The following PDE8B variants were observed in gnomAD, a reference collection of about 807,000 sequenced individuals.
PDE8B encodes phosphodiesterase 8B, also known as high affinity cAMP-specific and IBMX-insensitive 3',5'-cyclic phosphodiesterase 8B.
Under a neutral mutation model 101.3 loss-of-function variants are expected in PDE8B, and 26 were observed. That is an observed-to-expected ratio of 0.26 (90% CI 0.19 to 0.36). The LOEUF is 0.36. Ranked by LOEUF, PDE8B falls within the 10% of genes least tolerant of loss-of-function variation. The pLI, the probability that PDE8B is intolerant of heterozygous loss-of-function variation, is 1.00. For missense variants in PDE8B, 810 were observed against 1,163.1 expected (o/e 0.70, Z 4.42); for synonymous variants, 424 against 429.3 (o/e 0.99, Z 0.15).
rs551946231 is a variant in PDE8B, at chr5:77,324,641, A to G, written c.400-898A>G. On this transcript the variant is annotated intron_variant, in intron 2 of 21. Coordinates refer to ENST00000264917, the MANE Select transcript of PDE8B (RefSeq NM_003719.5). The stretch of plus-strand genomic sequence containing the variant: ...CTTAGCTCCATCAGCTTTACATTTC[A>G]TGATCATTCTTTCCAGATTCTGGCA... Among the ~76,000 whole-genome samples the G allele has an allele frequency of 3.9e-5, 6 of 152,330 alleles. No homozygotes were observed. In the East Asian group the frequency reaches 9.6e-4, roughly 24 times the overall value.
chr5:77,200,354 G>T, the PDE8B span, among the ~76,000 whole-genome samples: 2 of 152,126 alleles, frequency 1.3e-5, no homozygotes, highest in African/African-American at 4.8e-5. Context: ...ATAAAAATTT[G>T]CTGGTGTGTA....
At chr5:77,223,228 CT>C (rs568198653) in intron 1 of PDE8B, among the ~76,000 whole-genome samples, 126 of 151,702 alleles carry the variant, frequency 8.3e-4, no homozygotes, top group African/African-American at 1.8e-3. Context: ...TACATTCTTT[CT>C]TTTTTTATTT....
intron 10 of PDE8B, among the ~76,000 whole-genome samples, chr5:77,356,914 G>A (rs1782206441): frequency 6.6e-6 from 1 of 152,120 alleles, no homozygotes. Flanking sequence ...GGATGCTAAT[G>A]AGCTACAGAC....
the PDE8B span, among the ~76,000 whole-genome samples, chr5:77,091,336 A>T: frequency 2.6e-5 from 4 of 152,210 alleles, no homozygotes. Context: ...AAAAATGAAA[A>T]AGAAAAGTAA....
the PDE8B span, among the ~76,000 whole-genome samples, chr5:77,102,548 G>A: frequency 3.7e-4 from 56 of 152,338 alleles, 1 homozygote; most frequent in Admixed American, 2.0e-4. Flanking sequence ...GCTAGGAAGC[G>A]TTGTTCATTA....
intron 1 of PDE8B, among the ~76,000 whole-genome samples, chr5:77,287,853 G>A (rs1464039268): frequency 6.6e-6 from 1 of 151,938 alleles, no homozygotes; most frequent in Admixed American, 6.6e-5. Flanking sequence ...GTTGTTTCTT[G>A]TCTTTTAATT....
intron 10 of PDE8B, among the ~76,000 whole-genome samples, chr5:77,354,472 A>AG (rs751085271): frequency 6.6e-6 from 1 of 152,236 alleles, no homozygotes; most frequent in African/African-American, 2.4e-5. Context: ...GGCCTTTCAT[A>AG]GGGAAAAAAA....
intron 6 of PDE8B, among the ~76,000 whole-genome samples, chr5:77,342,492 G>GA (rs1184711576): frequency 6.8e-6 from 1 of 147,910 alleles, no homozygotes; most frequent in Non-Finnish European, 1.5e-5. Flanking sequence ...TTTATGAGTG[G>GA]AAAAAAATAA....
At chr5:77,387,481 A>T (rs1028801843) in intron 10 of PDE8B, among the ~76,000 whole-genome samples, 6 of 152,106 alleles carry the variant, frequency 3.9e-5, no homozygotes, top group Non-Finnish European at 8.8e-5. Context: ...GACCTTTCTC[A>T]CTGGCTGCCC....
intron 10 of PDE8B, among the ~76,000 whole-genome samples, chr5:77,374,883 G>C (rs1198687976): frequency 6.6e-6 from 1 of 152,032 alleles, no homozygotes; most frequent in African/African-American, 2.4e-5. Flanking sequence ...AATCCCCTAA[G>C]GACTTGGCCT....
intron 1 of PDE8B, among the ~76,000 whole-genome samples, chr5:77,240,835 C>T (rs752788372): frequency 2.0e-5 from 3 of 152,182 alleles, no homozygotes; most frequent in Non-Finnish European, 2.9e-5. Context: ...ATTATTTTGT[C>T]TTTCAAATAC....
intron 10 of PDE8B, among the ~76,000 whole-genome samples, chr5:77,378,007 T>TACA (rs1786523364): frequency 9.5e-6 from 1 of 105,468 alleles, no homozygotes; most frequent in Admixed American, 9.7e-5. Flanking sequence ...TCCCTCTCTC[T>TACA]CTACACACAC....
intron 17 of PDE8B, among the ~76,000 whole-genome samples, chr5:77,415,477 C>T (rs763809555): frequency 2.6e-5 from 4 of 151,524 alleles, no homozygotes; most frequent in Non-Finnish European, 5.9e-5. Flanking sequence ...CCTGCCTCAG[C>T]CTCCCGAGTA....
intron 1 of PDE8B, 69 bp from the exon 2 acceptor site, chr5:77,311,925 C>A: frequency 2.4e-6 from 3 of 1,226,778 alleles, no homozygotes; most frequent in Middle Eastern, 1.9e-4. Context: ...CAATGCGTTG[C>A]GTAAGGAAGG....
chr5:77,255,065 G>A (rs1392752411), intron 1 of PDE8B, among the ~76,000 whole-genome samples: 3 of 152,070 alleles, frequency 2.0e-5, no homozygotes, highest in Admixed American at 6.6e-5. Flanking sequence ...CCCTCCCTCC[G>A]AAGTGGTGCC....
Position 77,215,342 on chromosome 5 carries a change from TA to T in PDE8B, c.339+4079del, listed in dbSNP as rs1383268630. Among the ~76,000 whole-genome samples the T allele has an allele frequency of 2.0e-5, 3 of 152,244 alleles. No individual in the cohort carries two copies. In the East Asian group the frequency reaches 5.8e-4, roughly 29 times the overall value. On this transcript the variant is annotated intron_variant, in intron 1 of 21. Transcript: ENST00000264917. The stretch of plus-strand genomic sequence containing the variant: ...CATCATTTTTCATTTTAAAATGAAG[TA>T]TAAAGTTTAATAAGCTCAAATGAGT...
At chr5:77,422,120 C>A in intron 20 of PDE8B, 132 bp downstream of exon 20, 2 of 979,734 alleles carry the variant, frequency 2.0e-6, no homozygotes, top group Non-Finnish European at 3.2e-6. Flanking sequence ...AAGAAAGCAG[C>A]TTACCCCCAC....
chr5:77,323,293 T>C (rs1440804481), intron 2 of PDE8B, among the ~76,000 whole-genome samples: 1 of 152,226 alleles, frequency 6.6e-6, no homozygotes, highest in Non-Finnish European at 1.5e-5. Context: ...AGGAACTCTG[T>C]GGCTGGAAAT....
At chr5:77,229,914 T>A (rs1320003582) in intron 1 of PDE8B, among the ~76,000 whole-genome samples, 10 of 152,224 alleles carry the variant, frequency 6.6e-5, no homozygotes, top group African/African-American at 2.4e-4. Context: ...TTGCACAGGT[T>A]TTGGTGTGGA....
Sources: allele counts gnomAD v4.1 joint callset (sites outside exome capture counted in the v4.1 genomes callset), GRCh38; gene constraint gnomAD v4.1.1; transcripts MANE v1.5; gene names NCBI Gene and HGNC (gene_info 2026-07-23, HGNC 2026-07-21).